UHRF2: variants seen among roughly 807,000 people sequenced by gnomAD.
UHRF2 encodes the protein E3 ubiquitin-protein ligase UHRF2.
Under a neutral mutation model 96.8 loss-of-function variants are expected in UHRF2, and 23 were observed. The observed-to-expected ratio is 0.24, with a 90% CI of 0.17 to 0.34. The LOEUF is 0.34. Ranked by LOEUF, UHRF2 falls within the 10% of genes least tolerant of loss-of-function variation. UHRF2 has a pLI of 1.00. For synonymous variants in UHRF2, 385 were observed against 332.6 expected (o/e 1.16, Z -1.72); for missense variants, 685 against 981.5 (o/e 0.70, Z 4.04).
intron 3 of UHRF2, among the ~76,000 whole-genome samples, chr9:6,455,733 C>G (rs751364340): frequency 3.3e-5 from 5 of 152,140 alleles, no homozygotes; most frequent in Non-Finnish European, 7.4e-5. Flanking sequence ...GCCTGTAATC[C>G]AAGCACTTTG....
intron 8 of UHRF2, among the ~76,000 whole-genome samples, chr9:6,483,315 ACT>A (rs1232002428): frequency 7.4e-5 from 10 of 134,292 alleles, no homozygotes; most frequent in Non-Finnish European, 1.5e-4. Context: ...ACAGAGCGAG[ACT>A]CTGTCTCAAA....
intron 4 of UHRF2, among the ~76,000 whole-genome samples, chr9:6,472,146 C>T (rs1159805127): frequency 6.6e-6 from 1 of 152,192 alleles, no homozygotes; most frequent in Non-Finnish European, 1.5e-5. Context: ...CCGCTACCAT[C>T]TGTAGCATTG....
intron 10 of UHRF2, 155 bp downstream of exon 10, chr9:6,494,087 G>C (rs1824828327): frequency 1.5e-5 from 9 of 616,492 alleles, no homozygotes; most frequent in Non-Finnish European, 2.5e-5. Context: ...TTGTTTTTCA[G>C]CATCCTAACA....
At chr9:6,432,936 G>A (rs969784245) in intron 2 of UHRF2, among the ~76,000 whole-genome samples, 14 of 152,024 alleles carry the variant, frequency 9.2e-5, no homozygotes, top group African/African-American at 2.2e-4. Flanking sequence ...CACCTCCCGG[G>A]TTCAAGTGAT....
At chr9:6,481,823 A>G (rs1823945297) in intron 7 of UHRF2, 57 bp downstream of exon 7, 1 of 1,579,290 alleles carries the variant, frequency 6.3e-7, no homozygotes. Context: ...ATAATGTTTT[A>G]ATACCAATAG....
At chr9:6,468,191 A>G (rs549881948) in intron 4 of UHRF2, among the ~76,000 whole-genome samples, 1 of 152,212 alleles carries the variant, frequency 6.6e-6, no homozygotes, top group South Asian at 2.1e-4. Flanking sequence ...GATTATATGC[A>G]TGTTTTTATT....
chr9:6,421,683 C>A (rs1379921629), intron 2 of UHRF2, among the ~76,000 whole-genome samples: 1 of 152,144 alleles, frequency 6.6e-6, no homozygotes, highest in Non-Finnish European at 1.5e-5. Flanking sequence ...TCCCAAAGTG[C>A]TGGAATTACC....
chr9:6,445,998 T>TTTTTC (rs772184475), intron 3 of UHRF2, among the ~76,000 whole-genome samples: 4 of 129,954 alleles, frequency 3.1e-5, no homozygotes, highest in East Asian at 2.6e-4. Flanking sequence ...TTTTTTTTTT[T>TTTTTC]TTCCTGTTTT....
chr9:6,441,207 A>G (rs452135), intron 3 of UHRF2, among the ~76,000 whole-genome samples: 114,600 of 151,646 alleles, frequency 0.76, 44,064 homozygotes, highest in South Asian at 0.82. Context: ...GGCAAAACCC[A>G]GTCTCTACAA....
intron 6 of UHRF2, among the ~76,000 whole-genome samples, chr9:6,480,015 T>A (rs1253702816): frequency 6.6e-6 from 1 of 152,182 alleles, no homozygotes; most frequent in African/African-American, 2.4e-5. Context: ...GATGTCTTCC[T>A]ATTTCACTTA....
chr9:6,472,975 A>T (rs913988036), intron 4 of UHRF2, among the ~76,000 whole-genome samples: 1 of 152,248 alleles, frequency 6.6e-6, no homozygotes, highest in African/African-American at 2.4e-5. Flanking sequence ...TTGAGTGTGT[A>T]TATTAATGTG....
rs114678429 is a variant in UHRF2, at chr9:6,414,847, A to G, written c.153+1204A>G. On this transcript the variant is annotated intron_variant, in intron 1 of 15. Transcript: ENST00000276893. The stretch of plus-strand genomic sequence containing the variant: ...TTCCTTCTCTCTTTAAAATAATGTT[A>G]TAGCACCTTTGATTTGTGTTTGCAG... Among the ~76,000 whole-genome samples, 496 of 152,308 alleles carry G rather than the reference A, an allele frequency of 3.3e-3. 1 individual carries two copies. Among genetic ancestry groups the G allele is most frequent in the African/African-American group, 0.012 (486 of 41,566 alleles).
chr9:6,497,951 T>C, intron 11 of UHRF2, 67 bp from the exon 12 acceptor site: 2 of 1,557,416 alleles, frequency 1.3e-6, no homozygotes, highest in Non-Finnish European at 1.7e-6. Context: ...ATTATTTTGA[T>C]ACCACTAATG....
intron 3 of UHRF2, 100 bp downstream of exon 3, chr9:6,434,273 C>A: frequency 7.3e-7 from 1 of 1,369,782 alleles, no homozygotes; most frequent in Non-Finnish European, 9.7e-7. Context: ...CTGAAGAAAT[C>A]CTTTAGAGGT....
intron 3 of UHRF2, among the ~76,000 whole-genome samples, chr9:6,443,873 C>G (rs1821333265): frequency 6.6e-6 from 1 of 152,174 alleles, no homozygotes; most frequent in South Asian, 2.1e-4. Flanking sequence ...TCTTTGCTCC[C>G]AGCATTCTTT....
chr9:6,420,225 C>T (rs2065074), intron 1 of UHRF2, among the ~76,000 whole-genome samples: 105,103 of 151,556 alleles, frequency 0.69, 39,224 homozygotes, highest in South Asian at 0.84. Context: ...CCAGCTAATA[C>T]TTTGTATTTC....
chr9:6,463,486 T>G (rs1192175355), intron 4 of UHRF2, among the ~76,000 whole-genome samples: 1 of 151,872 alleles, frequency 6.6e-6, no homozygotes, highest in Non-Finnish European at 1.5e-5. Context: ...TTTTTTTTTT[T>G]GGGAGATGGG....
intron 4 of UHRF2, 70 bp downstream of exon 4, chr9:6,460,861 C>T: frequency 7.9e-7 from 1 of 1,259,228 alleles, no homozygotes; most frequent in Non-Finnish European, 1.1e-6. Context: ...AGGTATTAAG[C>T]ACGTGTACCT....
intron 3 of UHRF2, chr9:6,449,558 T>G (rs546321920): frequency 6.6e-6 from 1 of 152,382 alleles, no homozygotes; most frequent in South Asian, 2.1e-4. Flanking sequence ...TTTTTAGAGT[T>G]TGCAGAAAAG....
Sources: gnomAD v4.1 joint callset for allele counts (sites outside exome capture counted in the v4.1 genomes callset) on GRCh38, gnomAD v4.1.1 for gene constraint, MANE v1.5 for transcripts, NCBI Gene and HGNC (gene_info 2026-07-23, HGNC 2026-07-21) for gene names.